SENP5: variants seen among roughly 807,000 people sequenced by gnomAD.
The protein encoded by SENP5 is SUMO specific peptidase 5, also known as sentrin-specific protease 5.
SENP5 carries 21 observed loss-of-function variants against 74.2 expected under a neutral mutation model. That is an observed-to-expected ratio of 0.28 (90% confidence interval 0.20 to 0.41). SENP5 has a LOEUF of 0.41. Ranked by LOEUF, SENP5 falls within the 10% of genes least tolerant of loss-of-function variation. The pLI is 1.00. For missense variants in SENP5, 717 were observed against 889.1 expected (o/e 0.81, Z 2.46); for synonymous variants, 311 against 312.7 (o/e 0.99, Z 0.06).
At position 196,900,897 on chromosome 3, in the gene SENP5, C is replaced by G. The variant is rs76571607; in HGVS notation, c.1806+485C>G. Among the ~76,000 whole-genome samples, 1,084 of 151,768 alleles carry G rather than the reference C, an allele frequency of 7.1e-3. 9 individuals are homozygous for G. Among genetic ancestry groups the G allele is most frequent in the African/African-American group, 0.025 (1,028 of 41,386 alleles). ...GCCACAGCGCCTGGCCCCATCAAATCACTTCAGCATAAGAAAATCACTGTG... is the reference window on the plus strand; with the variant it reads ...GCCACAGCGCCTGGCCCCATCAAATGACTTCAGCATAAGAAAATCACTGTG... On this transcript the variant is annotated intron_variant, in intron 5 of 9. Coordinates refer to ENST00000323460, the MANE Select transcript of SENP5 (RefSeq NM_152699.5).
At chr3:196,875,105 A>G (rs1162764639) in intron 1 of SENP5, among the ~76,000 whole-genome samples, 1 of 152,212 alleles carries the variant, frequency 6.6e-6, no homozygotes. Context: ...GAACATGTGA[A>G]AGACTAAAGG....
intron 7 of SENP5, 65 bp downstream of exon 7, chr3:196,923,616 A>T: frequency 9.1e-7 from 1 of 1,104,172 alleles, no homozygotes; most frequent in South Asian, 1.4e-5. Flanking sequence ...TCTTAGCTCT[A>T]GATAGAACAG....
chr3:196,877,861 A>C (rs1713550493), intron 1 of SENP5, among the ~76,000 whole-genome samples: 1 of 152,218 alleles, frequency 6.6e-6, no homozygotes, highest in South Asian at 2.1e-4. Context: ...TTTTTCTCCA[A>C]ACATTCAAGC....
chr3:196,918,147 A>G (rs1715460008), intron 6 of SENP5, among the ~76,000 whole-genome samples: 1 of 150,688 alleles, frequency 6.6e-6, no homozygotes, highest in Non-Finnish European at 1.5e-5. Flanking sequence ...TCTACTAAAA[A>G]TACAAAAAAA....
At chr3:196,930,484 C>G (rs1715994912) in intron 9 of SENP5, among the ~76,000 whole-genome samples, 1 of 152,204 alleles carries the variant, frequency 6.6e-6, no homozygotes, top group African/African-American at 2.4e-5. Context: ...TGCCTTAGAT[C>G]GGGGTCCCAA....
chr3:196,923,527 C>T lies in SENP5; in HGVS notation c.1998C>T (p.Gly666=). 1 of 1,608,094 alleles carries T rather than the reference C, an allele frequency of 6.2e-7. No homozygotes were observed. Among genetic ancestry groups the T allele is most frequent in the Non-Finnish European group, 8.5e-7 (1 of 1,176,422 alleles). The part of the protein sequence containing the change: ...NRIISFYDSQ[G]IHFKFCVENI... ...TTATTTCATTTTATGATTCCCAAGG[C>T]ATTCATTTTAAGTTTTGTGTAGAGG... The change falls in exon 7 of 10, where the codon GGC becomes GGT. Residue 666 remains glycine, a synonymous_variant. Transcript: ENST00000323460.
chr3:196,918,013 A>G (rs1715452713), intron 6 of SENP5, among the ~76,000 whole-genome samples: 1 of 152,280 alleles, frequency 6.6e-6, no homozygotes, highest in Middle Eastern at 3.4e-3. Context: ...ATATAAAAAG[A>G]TAAATAGAAA....
intron 6 of SENP5, among the ~76,000 whole-genome samples, chr3:196,918,162 CCGGGCGCGGTGG>C (rs1715460848): frequency 6.6e-6 from 1 of 151,840 alleles, no homozygotes; most frequent in South Asian, 2.1e-4. Context: ...AAAAAATTAG[CCGGGCGCGGTGG>C]CGGGCGCCTG....
At position 196,931,270 on chromosome 3, in the gene SENP5, G is replaced by A. The variant is rs1329657332; in HGVS notation, c.*347G>A. On this transcript the variant is annotated 3_prime_UTR_variant, in exon 10 of 10. Transcript: ENST00000323460. The stretch of plus-strand genomic sequence containing the variant: ...TTTGAAACTTAGTTAGACGTGAACT[G>A]AATACAGGTTTCAAATTTACTCCCA... The A allele has an allele frequency of 5.5e-6, 1 of 181,466 alleles. No homozygotes were observed. The highest frequency in any genetic ancestry group is 2.4e-5 in the African/African-American group (1 of 42,078). The allele number at this position is 181,466 out of a possible 1,614,324, so 11.2% of individuals were successfully genotyped here. A position where few individuals can be genotyped will look rare whatever the true frequency, so the allele number is the denominator to read the frequency against.
At chr3:196,923,367 G>A (rs1216909852) in intron 6 of SENP5, 47 bp from the exon 7 acceptor site, 10 of 1,562,434 alleles carry the variant, frequency 6.4e-6, no homozygotes, top group Non-Finnish European at 7.8e-6. Flanking sequence ...TTGGTGGTTT[G>A]GATAGCCTGT....
chr3:196,885,745 C>T lies in SENP5; in HGVS notation c.564C>T (p.Asn188=), dbSNP rs2108817033. ...GESGTIVVTL[N]NHKRKGFCYG... Reference sequence around the variant, plus strand: ...GTGGCACGATTGTGGTCACCTTGAACAACCATAAGAGAAAGGGCTTTTGTT... The same window carrying T: ...GTGGCACGATTGTGGTCACCTTGAATAACCATAAGAGAAAGGGCTTTTGTT... The change falls in exon 2 of 10, where the codon AAC becomes AAT. Residue 188 remains asparagine, a synonymous_variant. Transcript: ENST00000323460. 2 of 1,614,224 alleles carry T rather than the reference C, an allele frequency of 1.2e-6. No homozygotes were observed. Among genetic ancestry groups the T allele is most frequent in the South Asian group, 2.2e-5 (2 of 91,080 alleles).
At chr3:196,914,586 A>AATATATATAT (rs55692471) in intron 6 of SENP5, 71 of 33,436 alleles carry the variant, frequency 2.1e-3, no homozygotes, top group South Asian at 5.0e-3. Flanking sequence ...AAAAAAAAAA[A>AATATATATAT]ATATATATAT....
intron 1 of SENP5, among the ~76,000 whole-genome samples, chr3:196,871,095 A>G (rs1258094621): frequency 1.3e-5 from 2 of 151,764 alleles, no homozygotes; most frequent in Non-Finnish European, 2.9e-5. Context: ...GTTTGAACCC[A>G]TGAGGTAGAG....
rs1713918192 is a variant in SENP5 at position 196,885,503 on chromosome 3, T to C, written c.322T>C (p.Ser108Pro). ...GGACGCTAAACACTTCATTTCCTCCTCAAAGACTCTCCTGAGACTCCAAGC... is the reference window on the plus strand; with the variant it reads ...GGACGCTAAACACTTCATTTCCTCCCCAAAGACTCTCCTGAGACTCCAAGC... ...RKDAKHFISSSKTLLRLQAEK... is the reference protein window; with the variant it reads ...RKDAKHFISSPKTLLRLQAEK... Residue 108 changes from serine to proline, a missense_variant, in exon 2 of 10, where the codon TCA becomes CCA. Coordinates refer to ENST00000323460, the MANE Select transcript of SENP5 (RefSeq NM_152699.5). 1 of 1,614,120 alleles carries C rather than the reference T, an allele frequency of 6.2e-7. No homozygotes were observed. Among genetic ancestry groups the C allele is most frequent in the African/African-American group, 1.3e-5 (1 of 75,052 alleles).
In SENP5 at chr3:196,876,762, G is replaced by T. The variant is rs866000818; in HGVS notation, c.-31-8389G>T. Among the ~76,000 whole-genome samples the T allele has an allele frequency of 1.1e-4, 16 of 150,350 alleles. No individual in the cohort carries two copies. The Middle Eastern group carries it at 0.014, about 132-fold the overall frequency. ...GGCGTGGTGGTGTGTGTCTGCTGTA[G>T]TCCCAGCTACTCAGGAGGCTGAGGG... On this transcript the variant is annotated intron_variant, in intron 1 of 9. Transcript: ENST00000323460.
Position 196,886,367 on chromosome 3 carries a change from A to G in SENP5, c.1186A>G (p.Thr396Ala). Residue 396 changes from threonine to alanine, a missense_variant, in exon 2 of 10, where the codon ACT becomes GCT. By Grantham distance (58) the Thr-to-Ala change is moderately conservative. Transcript: ENST00000323460. Reference sequence around the variant, plus strand: ...TTCAGAAACTGAAAGAGAAATTATGACTCTGGGTCAGGAAAATCAGACAAG... The same window carrying G: ...TTCAGAAACTGAAAGAGAAATTATGGCTCTGGGTCAGGAAAATCAGACAAG... ...FISETEREIM[T>A]LGQENQTSSV... The G allele has an allele frequency of 6.2e-7, 1 of 1,613,042 alleles. No homozygotes were observed. Among genetic ancestry groups the G allele is most frequent in the Non-Finnish European group, 8.5e-7 (1 of 1,179,540 alleles).
intron 6 of SENP5, among the ~76,000 whole-genome samples, chr3:196,916,463 A>T (rs1332135124): frequency 6.6e-6 from 1 of 152,196 alleles, no homozygotes; most frequent in Non-Finnish European, 1.5e-5. Context: ...AAGCCCAGAG[A>T]ATTTCAAAAT....
intron 1 of SENP5, among the ~76,000 whole-genome samples, chr3:196,873,340 T>TG (rs1713302328): frequency 6.6e-6 from 1 of 151,884 alleles, no homozygotes; most frequent in Non-Finnish European, 1.5e-5. Flanking sequence ...CCCAAAGTGC[T>TG]GGGATTACAG....
intron 5 of SENP5, among the ~76,000 whole-genome samples, chr3:196,902,802 G>A (rs914903251): frequency 1.7e-4 from 26 of 152,226 alleles, no homozygotes; most frequent in Non-Finnish European, 2.8e-4. Flanking sequence ...GGGTAATTCT[G>A]TGGTACTAGA....
Sources: allele counts gnomAD v4.1 joint callset (sites outside exome capture counted in the v4.1 genomes callset), GRCh38; gene constraint gnomAD v4.1.1; transcripts MANE v1.5; gene names NCBI Gene and HGNC (gene_info 2026-07-23, HGNC 2026-07-21).